SELENOO: variants seen among roughly 807,000 people sequenced by gnomAD.
SELENOO encodes protein adenylyltransferase SelO, mitochondrial.
SELENOO carries 74 observed loss-of-function variants against 58.7 expected under a neutral mutation model. That is an observed-to-expected ratio of 1.26 (90% CI 1.04 to 1.53). The LOEUF (loss-of-function observed/expected upper bound fraction) is 1.53. Among genes scored for constraint, SELENOO ranks in the 40% most tolerant of loss-of-function variants. The pLI is 0.00. For missense variants in SELENOO, 1,149 were observed against 970.0 expected (o/e 1.18, Z -2.45); for synonymous variants, 543 against 453.2 (o/e 1.20, Z -2.52).
intron 1 of SELENOO, among the ~76,000 whole-genome samples, chr22:50,203,904 G>A (rs1238426268): frequency 6.6e-6 from 1 of 152,128 alleles, no homozygotes; most frequent in African/African-American, 2.4e-5. Context: ...TAAAAATGCA[G>A]CCCACAGAAT....
At chr22:50,213,339 G>A (rs1271172354) in intron 5 of SELENOO, among the ~76,000 whole-genome samples, 2 of 152,168 alleles carry the variant, frequency 1.3e-5, no homozygotes, top group East Asian at 1.9e-4. Flanking sequence ...TTCTGGGGAT[G>A]AGCCGCCGCG....
chr22:50,215,830 G>T lies in SELENOO; in HGVS notation c.1465G>T (p.Glu489Ter). The T allele has an allele frequency of 1.2e-6, 2 of 1,611,886 alleles. No homozygotes were observed. The highest frequency in any genetic ancestry group is 1.7e-6 in the Non-Finnish European group (2 of 1,178,596). ...GATGGAGCAGTGTGCCTCCCTGGAG[G>T]AGCTGAGGCTGGCCTTCCGGCCCCA... ...RLMEQCASLE[E>*]LRLAFRPQMD... The change falls in exon 6 of 9, where the codon GAG becomes TAG. Residue 489 changes from glutamate (E) to a stop codon, truncating the protein, a stop_gained. Coordinates refer to ENST00000380903, the MANE Select transcript of SELENOO (RefSeq NM_031454.2). LOFTEE classifies it high-confidence loss of function.
chr22:50,215,960 G>A (rs2064406265), intron 6 of SELENOO, 93 bp downstream of exon 6: 4 of 1,212,458 alleles, frequency 3.3e-6, no homozygotes, highest in African/African-American at 1.5e-5. Context: ...AGACAGAGCT[G>A]GCTGGGGCCC....
chr22:50,210,370 A>C (rs570661925), intron 4 of SELENOO, 59 bp downstream of exon 4: 98 of 1,578,452 alleles, frequency 6.2e-5, no homozygotes, highest in Non-Finnish European at 7.7e-5. Flanking sequence ...TGCGGGCTGC[A>C]TGAAACCTGC....
chr22:50,213,491 C>T (rs1236997919), intron 5 of SELENOO, among the ~76,000 whole-genome samples: 3 of 151,070 alleles, frequency 2.0e-5, no homozygotes, highest in Non-Finnish European at 3.0e-5. Flanking sequence ...AGACGGTGTG[C>T]TCTCTTTTGC....
intron 1 of SELENOO, among the ~76,000 whole-genome samples, chr22:50,202,439 G>A (rs980836842): frequency 6.6e-6 from 1 of 152,052 alleles, no homozygotes; most frequent in Non-Finnish European, 1.5e-5. Flanking sequence ...ACCTGGCTCT[G>A]GCTCTCCCTC....
intron 5 of SELENOO, 91 bp downstream of exon 5, chr22:50,211,002 A>G: frequency 2.1e-6 from 3 of 1,420,574 alleles, no homozygotes; most frequent in South Asian, 1.2e-5. Context: ...TTCCAAGTGC[A>G]CAGTCACTCC....
At position 50,201,065 on chromosome 22, in the gene SELENOO, C is replaced by G. The variant is rs965695452; in HGVS notation, c.29C>G (p.Ala10Gly). 1.5e-6 allele frequency: 2 copies of G among 1,358,616 alleles called. No individual in the cohort carries two copies. The highest frequency in any genetic ancestry group is 3.1e-5 in the African/African-American group (2 of 65,300). 84.2% of individuals were successfully genotyped at this position (1,358,616 alleles called of 1,614,324 possible). A position where few individuals can be genotyped will look rare whatever the true frequency, so the allele number is the denominator to read the frequency against. MAVYRAALG[A>G]SLAAARLLPL... Reference sequence around the variant, plus strand: ...GCCGTATACAGGGCAGCGCTCGGGGCTTCGCTCGCGGCTGCCCGACTCTTG... The same window carrying G: ...GCCGTATACAGGGCAGCGCTCGGGGGTTCGCTCGCGGCTGCCCGACTCTTG... Residue 10 changes from alanine to glycine, a missense_variant, in exon 1 of 9, where the codon GCT (alanine) becomes GGT (glycine). Physicochemically the swap from Ala to Gly is moderately conservative, Grantham distance 60 (BLOSUM62 0). Coordinates refer to ENST00000380903, the MANE Select transcript of SELENOO (RefSeq NM_031454.2).
rs760137194 is a variant in SELENOO, at chr22:50,217,193, C to G, written c.1846-12C>G. On this transcript the variant is annotated splice_polypyrimidine_tract_variant and intron_variant, in intron 8 of 8. Transcript: ENST00000380903. ...TCGGCCCCAGACCCCTCTCACCCTC[C>G]TGATCCTCCAGGTGCGGCGGGTGCT... is the stretch of plus-strand genomic sequence containing the variant. 5.0e-6 allele frequency: 8 copies of G among 1,612,070 alleles called. No homozygotes were observed. In the South Asian group the frequency reaches 7.7e-5, roughly 15 times the overall value.
intron 5 of SELENOO, among the ~76,000 whole-genome samples, chr22:50,211,466 G>C (rs1207306525): frequency 2.0e-5 from 3 of 152,200 alleles, no homozygotes; most frequent in African/African-American, 7.2e-5. Context: ...TTCTTTTCTT[G>C]TTCCTGACCT....
At chr22:50,212,269 T>G (rs1189042991) in intron 5 of SELENOO, among the ~76,000 whole-genome samples, 1 of 152,222 alleles carries the variant, frequency 6.6e-6, no homozygotes, top group Non-Finnish European at 1.5e-5. Flanking sequence ...GTCCTGGGCT[T>G]TTCTTTGTTG....
chr22:50,215,997 GAT>G (rs2064406927), intron 6 of SELENOO, 130 bp downstream of exon 6: 1 of 760,176 alleles, frequency 1.3e-6, no homozygotes, highest in Non-Finnish European at 2.1e-6. Context: ...CCCAGGGACA[GAT>G]TCAGTCAGGG....
Position 50,210,303 on chromosome 22 carries a change from C to T in SELENOO, c.1062C>T (p.Phe354=). 6.2e-7 allele frequency: 1 copy of T among 1,613,132 alleles called. No homozygotes were observed. The highest frequency in any genetic ancestry group is 8.5e-7 in the Non-Finnish European group (1 of 1,179,892). Residue 354 remains phenylalanine (F), a synonymous_variant, in exon 4 of 9, where the codon TTC becomes TTT. Coordinates refer to ENST00000380903, the MANE Select transcript of SELENOO (RefSeq NM_031454.2). ...GLTIDYGPFG[F]LDRYDPDHVC... is the part of the protein sequence containing the mutation. ...CCATCGACTACGGGCCCTTTGGCTT[C>T]CTGGACAGGTAAGTGGCCCTGGGGC...
intron 5 of SELENOO, among the ~76,000 whole-genome samples, chr22:50,214,696 C>T (rs1428095574): frequency 2.0e-5 from 3 of 152,180 alleles, no homozygotes; most frequent in African/African-American, 4.8e-5. Flanking sequence ...ACCCAGGAGG[C>T]GGAGGTTGCA....
intron 1 of SELENOO, among the ~76,000 whole-genome samples, chr22:50,205,355 G>T (rs989151688): frequency 2.6e-5 from 4 of 152,238 alleles, no homozygotes; most frequent in Admixed American, 6.5e-5. Context: ...GGAGGCCAAG[G>T]TGAGAGGATC....
At position 50,201,096 on chromosome 22, in the gene SELENOO, C is replaced by A. The variant is rs770329612; in HGVS notation, c.60C>A (p.Leu20=). The A allele has an allele frequency of 1.8e-5, 25 of 1,366,494 alleles. 1 individual carries two copies. Among genetic ancestry groups the A allele is most frequent in the Non-Finnish European group, 2.3e-5 (24 of 1,059,786 alleles). The allele number at this position is 1,366,494 out of a possible 1,614,324, so 84.6% of individuals were successfully genotyped here. Residue 20 remains leucine (L), a synonymous_variant, in exon 1 of 9, where the codon CTC becomes CTA. Coordinates refer to ENST00000380903, the MANE Select transcript of SELENOO (RefSeq NM_031454.2). ...ASLAAARLLP[L]GRCSPSPAPR... is the part of the protein sequence containing the mutation. ...TCGCGGCTGCCCGACTCTTGCCCCT[C>A]GGTCGCTGTTCCCCGTCGCCGGCGC...
At chr22:50,206,893 G>T (rs2294400) in intron 2 of SELENOO, among the ~76,000 whole-genome samples, 2 of 56,050 alleles carry the variant, frequency 3.6e-5, no homozygotes, top group Non-Finnish European at 8.0e-5. Context: ...TGGTGCTTCT[G>T]GGGGGGAGGG....
At position 50,201,035 on chromosome 22, in the gene SELENOO, G is replaced by A. The variant is rs1045644691; in HGVS notation, c.-2G>A. 7.1e-6 allele frequency: 9 copies of A among 1,268,882 alleles called. No individual in the cohort carries two copies. In the African/African-American group the frequency reaches 1.4e-4, roughly 20 times the overall value. The allele number at this position is 1,268,882 out of a possible 1,614,324, so 78.6% of individuals were successfully genotyped here. On this transcript the variant is annotated 5_prime_UTR_variant, in exon 1 of 9. Coordinates refer to ENST00000380903, the MANE Select transcript of SELENOO (RefSeq NM_031454.2). ...TGGCTTCCGGCGGGAGCGGGGCCGC[G>A]GATGGCCGTATACAGGGCAGCGCTC... is the stretch of plus-strand genomic sequence containing the variant.
In SELENOO at chr22:50,216,958, G is replaced by T. The variant is rs372525311; in HGVS notation, c.1689-14G>T. The T allele has an allele frequency of 1.2e-6, 2 of 1,606,762 alleles. No individual in the cohort carries two copies. The highest frequency in any genetic ancestry group is 2.2e-5 in the South Asian group (2 of 90,994). ...CAGCCCGGCTGTGACTCCAGAGCCC[G>T]GATGTCATTCCAGAGCCCGGCTGGA... On this transcript the variant is annotated splice_polypyrimidine_tract_variant and intron_variant, in intron 7 of 8. Transcript: ENST00000380903.
Sources: allele counts gnomAD v4.1 joint callset (sites outside exome capture counted in the v4.1 genomes callset), GRCh38; gene constraint gnomAD v4.1.1; transcripts MANE v1.5; gene names NCBI Gene and HGNC (gene_info 2026-07-23, HGNC 2026-07-21).